JAK1: variants seen among roughly 807,000 people sequenced by gnomAD.
The protein encoded by JAK1 is tyrosine-protein kinase JAK1.
JAK1 carries 16 observed loss-of-function variants against 136.6 expected under a neutral mutation model. That is an observed-to-expected ratio of 0.12 (90% confidence interval 0.08 to 0.18). The LOEUF is 0.18. JAK1 is among the 10% of genes least tolerant of loss of function. The probability of loss-of-function intolerance (pLI) is 1.00; values close to 1 mark genes in which losing one functional copy is unlikely to be tolerated. For missense variants in JAK1, 859 were observed against 1,450.1 expected, an observed-to-expected ratio of 0.59 and a Z score of 6.62; for synonymous variants, 492 against 519.5, an observed-to-expected ratio of 0.95 and a Z score of 0.72.
At chr1:65,061,403 A>G (rs1001971038) in intron 1 of JAK1, among the ~76,000 whole-genome samples, 1 of 152,210 alleles carries the variant, frequency 6.6e-6, no homozygotes, top group Non-Finnish European at 1.5e-5. Flanking sequence ...GCGATCAATC[A>G]ATGTGGAGTA....
intron 8 of JAK1, among the ~76,000 whole-genome samples, chr1:64,861,756 A>G (rs1015345003): frequency 5.9e-5 from 9 of 152,066 alleles, no homozygotes; most frequent in African/African-American, 1.9e-4. Context: ...GCCTGGGGCT[A>G]TGAGGAAGGA....
chr1:64,913,618 T>TGGGAGGGAGGGAGGGA (rs1227921796), intron 1 of JAK1, among the ~76,000 whole-genome samples: 1 of 118,652 alleles, frequency 8.4e-6, no homozygotes, highest in African/African-American at 3.6e-5. Context: ...AGATTCCATT[T>TGGGAGGGAGGGAGGGA]GGGAGGGAGG....
chr1:64,938,014 T>C (rs779881144), intron 1 of JAK1, among the ~76,000 whole-genome samples: 7 of 151,754 alleles, frequency 4.6e-5, no homozygotes, highest in Non-Finnish European at 5.9e-5. Context: ...CAAGTAGCTA[T>C]GACTACAGGT....
chr1:64,931,963 G>A (rs78342163), intron 1 of JAK1, among the ~76,000 whole-genome samples: 9 of 151,690 alleles, frequency 5.9e-5, no homozygotes, highest in African/African-American at 2.2e-4. Context: ...AGGAGGGGGG[G>A]GGATATTCAA....
At chr1:64,884,001 T>G (rs1644816427) in intron 2 of JAK1, among the ~76,000 whole-genome samples, 1 of 151,926 alleles carries the variant, frequency 6.6e-6, no homozygotes, top group African/African-American at 2.4e-5. Flanking sequence ...TCTCTTCACA[T>G]CCCCACCTGA....
chr1:64,937,972 C>T (rs955948326), intron 1 of JAK1, among the ~76,000 whole-genome samples: 4 of 151,868 alleles, frequency 2.6e-5, no homozygotes, highest in Non-Finnish European at 5.9e-5. Flanking sequence ...ATCTGCCTCC[C>T]GGGTTCATGC....
chr1:65,059,202 C>T (rs558522391), intron 1 of JAK1, among the ~76,000 whole-genome samples: 68 of 151,624 alleles, frequency 4.5e-4, no homozygotes, highest in Non-Finnish European at 7.9e-4. Flanking sequence ...TAAGTTATGG[C>T]GAACCCATGT....
intron 1 of JAK1, among the ~76,000 whole-genome samples, chr1:64,965,341 T>C (rs1646353001): frequency 6.6e-6 from 1 of 152,146 alleles, no homozygotes; most frequent in Non-Finnish European, 1.5e-5. Flanking sequence ...CACAGCCACG[T>C]AGTAAGAAGA....
chr1:64,952,038 A>G (rs1557719934), intron 1 of JAK1, among the ~76,000 whole-genome samples: 1 of 152,184 alleles, frequency 6.6e-6, no homozygotes. Flanking sequence ...ACTGCAGTAA[A>G]TGTGGTTAAG....
In JAK1 at chr1:64,980,821, G is replaced by A. The variant is rs547881229; in HGVS notation, c.-78+63659C>T. 3.3e-5 allele frequency among the ~76,000 whole-genome samples: 5 copies of A among 152,048 alleles called. No homozygotes were observed. In the East Asian group the frequency reaches 7.8e-4, roughly 24 times the overall value. On this transcript the variant is annotated intron_variant, in intron 2 of 25. Coordinates refer to the JAK1 transcript ENST00000671954. ...TCCCACCTATGGAGTGAGAACATGCGGTGTTTGGTTTTTTGTCCTTGCGAT... is the reference window on the plus strand; with the variant it reads ...TCCCACCTATGGAGTGAGAACATGCAGTGTTTGGTTTTTTGTCCTTGCGAT...
chr1:64,841,715 A>G, intron 17 of JAK1, 114 bp from the exon 18 acceptor site: 1 of 1,077,108 alleles, frequency 9.3e-7, no homozygotes, highest in Non-Finnish European at 1.4e-6. Context: ...CTCCACTTAC[A>G]GGTAGATTTC....
At chr1:64,878,603 A>ATATCTATC (rs1230363421) in intron 4 of JAK1, among the ~76,000 whole-genome samples, 1 of 110,152 alleles carries the variant, frequency 9.1e-6, no homozygotes, top group Non-Finnish European at 1.9e-5. Flanking sequence ...ATATATATAT[A>ATATCTATC]TATCTCAAAA....
At chr1:65,058,715 AC>A (rs1647658322) in intron 1 of JAK1, among the ~76,000 whole-genome samples, 1 of 152,108 alleles carries the variant, frequency 6.6e-6, no homozygotes, top group Non-Finnish European at 1.5e-5. Flanking sequence ...TGAAAGATGA[AC>A]ACATGACTTA....
chr1:64,881,778 A>T (rs752550256), intron 3 of JAK1, among the ~76,000 whole-genome samples: 12 of 152,186 alleles, frequency 7.9e-5, no homozygotes, highest in Non-Finnish European at 1.8e-4. Context: ...CTTTCCCAGC[A>T]GCTCCTTGGT....
intron 1 of JAK1, among the ~76,000 whole-genome samples, chr1:65,066,308 A>G (rs965003226): frequency 4.6e-5 from 7 of 152,194 alleles, no homozygotes; most frequent in African/African-American, 1.7e-4. Context: ...ACCGACCTGG[A>G]CCAGCACAAA....
intron 12 of JAK1, chr1:64,848,141 A>G (rs1570628712): frequency 6.4e-6 from 1 of 155,248 alleles, no homozygotes. Flanking sequence ...ACATGGGGGC[A>G]ATCTCTGCCC....
chr1:64,911,244 A>T (rs1300297280), intron 1 of JAK1, among the ~76,000 whole-genome samples: 2 of 152,220 alleles, frequency 1.3e-5, no homozygotes, highest in African/African-American at 4.8e-5. Context: ...ACTTCGAAAG[A>T]TTAATAGTAA....
At chr1:65,065,723 TG>T (rs1648010481) in intron 1 of JAK1, among the ~76,000 whole-genome samples, 1 of 147,368 alleles carries the variant, frequency 6.8e-6, no homozygotes, top group Non-Finnish European at 1.5e-5. Context: ...GGGGCCAGGG[TG>T]GGGCCTGGGG....
intron 1 of JAK1, among the ~76,000 whole-genome samples, chr1:64,937,431 G>A (rs565799434): frequency 2.0e-5 from 3 of 152,110 alleles, no homozygotes; most frequent in African/African-American, 4.8e-5. Context: ...TACTAATTCC[G>A]AAAGAAGTTT....
Sources: allele counts gnomAD v4.1 joint callset (sites outside exome capture counted in the v4.1 genomes callset), GRCh38; gene constraint gnomAD v4.1.1; transcripts MANE v1.5; gene names NCBI Gene and HGNC (gene_info 2026-07-23, HGNC 2026-07-21).